The following RAP1GAP2 variants were observed in gnomAD, a reference collection of about 807,000 sequenced individuals.
The protein encoded by RAP1GAP2 is RAP1 GTPase activating protein 2.
RAP1GAP2 carries 27 observed loss-of-function variants against 95.0 expected under a neutral mutation model. The observed-to-expected ratio is 0.28, with a 90% confidence interval of 0.21 to 0.39. RAP1GAP2 has a LOEUF of 0.39. Among genes scored for constraint, RAP1GAP2 ranks in the 10% least tolerant of loss-of-function variants. The pLI, the probability that RAP1GAP2 is intolerant of heterozygous loss-of-function variation, is 1.00. For synonymous variants in RAP1GAP2, 373 were observed against 380.9 expected, an observed-to-expected ratio of 0.98 and a Z score of 0.24; for missense variants, 771 against 970.0, an observed-to-expected ratio of 0.79 and a Z score of 2.72.
At position 3,004,707 on chromosome 17, in the gene RAP1GAP2, G is replaced by A. The variant is rs1348337767; in HGVS notation, c.1201-662G>A. 3.3e-5 allele frequency among the ~76,000 whole-genome samples: 5 copies of A among 152,264 alleles called. 1 individual carries two copies. ...GGCCTAGGACTGGCTGACCCCGTGT[G>A]TGGGGCCAGGGCTCCCGAACACGGG... On this transcript the variant is annotated intron_variant, in intron 14 of 24. Transcript: ENST00000254695. This position sits in a 1 kb window ranked among gnomAD's most constrained non-coding sequence, Gnocchi z 4.1.
At position 2,954,466 on chromosome 17, in the gene RAP1GAP2, G is replaced by A. The variant is rs368509955; in HGVS notation, c.166-3293G>A. On this transcript the variant is annotated intron_variant, in intron 3 of 24. Transcript: ENST00000254695. ...TCTCTTGTGTAGGTGTCTAGGAGTG[G>A]CACTGCTGGGTCATGCGGGTACAGA... Among the ~76,000 whole-genome samples, 88 of 152,244 alleles carry A rather than the reference G, an allele frequency of 5.8e-4. 1 individual carries two copies. The South Asian group carries it at 0.013, about 22-fold the overall frequency.
intron 2 of RAP1GAP2, among the ~76,000 whole-genome samples, chr17:2,858,565 C>G (rs2072242767): frequency 6.6e-6 from 1 of 152,082 alleles, no homozygotes; most frequent in African/African-American, 2.4e-5. Context: ...AAGTAAATCT[C>G]AGGTACTAGA....
chr17:3,031,812 T>C (rs1435247558), intron 23 of RAP1GAP2, among the ~76,000 whole-genome samples: 2 of 146,972 alleles, frequency 1.4e-5, no homozygotes, highest in Non-Finnish European at 1.5e-5. Context: ...GGCTGGTTCC[T>C]GGGTCCCCCA....
intron 1 of RAP1GAP2, among the ~76,000 whole-genome samples, chr17:2,756,133 C>T (rs2071138224): frequency 6.6e-6 from 1 of 152,266 alleles, no homozygotes; most frequent in Middle Eastern, 3.2e-3. Context: ...CCCATTTGTG[C>T]CTCCCTCCGT....
At chr17:2,905,033 C>T (rs2042154252) in intron 2 of RAP1GAP2, among the ~76,000 whole-genome samples, 1 of 152,168 alleles carries the variant, frequency 6.6e-6, no homozygotes, top group African/African-American at 2.4e-5. Flanking sequence ...AGGCGTGCAC[C>T]ACCACGCCCA....
intron 3 of RAP1GAP2, among the ~76,000 whole-genome samples, chr17:2,929,073 A>C (rs996555162): frequency 6.6e-6 from 1 of 152,126 alleles, no homozygotes; most frequent in Non-Finnish European, 1.5e-5. Flanking sequence ...TCCATCTCTA[A>C]AAAACAAAAA....
chr17:2,789,609 A>G (rs1443312469), intron 1 of RAP1GAP2, among the ~76,000 whole-genome samples: 30 of 13,944 alleles, frequency 2.2e-3, no homozygotes, highest in East Asian at 5.0e-3. Flanking sequence ...GTCTCTACTA[A>G]AAAAAAAAAA....
At position 2,820,956 on chromosome 17, in the gene RAP1GAP2, C is replaced by T. The variant is rs925014292; in HGVS notation, c.80+20406C>T. ...TTCATTATGTTGGCCAGGCTGCTCT[C>T]GAACTGCTGACCTGTTGATCTGCCT... On this transcript the variant is annotated intron_variant, in intron 2 of 24. Transcript: ENST00000254695. Among the ~76,000 whole-genome samples, 19 of 146,482 alleles carry T rather than the reference C, an allele frequency of 1.3e-4. No homozygotes were observed. In the East Asian group the frequency reaches 3.3e-3, roughly 25 times the overall value.
intron 12 of RAP1GAP2, 124 bp from the exon 13 acceptor site, chr17:2,995,213 C>T: frequency 1.6e-6 from 2 of 1,219,014 alleles, no homozygotes; most frequent in Admixed American, 3.8e-5. Flanking sequence ...CCTGCTCTGC[C>T]CTCAGCTCTC....
intron 2 of RAP1GAP2, among the ~76,000 whole-genome samples, chr17:2,812,702 G>C (rs1232098557): frequency 6.6e-6 from 1 of 152,030 alleles, no homozygotes; most frequent in South Asian, 2.1e-4. Flanking sequence ...TAAAAATTCT[G>C]ATGCCGGCTG....
chr17:2,998,099 G>A (rs945277949), intron 13 of RAP1GAP2, 122 bp from the exon 14 acceptor site: 61 of 1,139,046 alleles, frequency 5.4e-5, no homozygotes, highest in Non-Finnish European at 6.1e-5. Context: ...CAACAACCAC[G>A]AACTCTTCTC....
At chr17:2,893,591 G>A (rs1567750695) in intron 2 of RAP1GAP2, among the ~76,000 whole-genome samples, 3 of 152,220 alleles carry the variant, frequency 2.0e-5, no homozygotes, top group Admixed American at 6.5e-5. Context: ...GGGCGTTTAC[G>A]GGCTGGGAAA....
chr17:2,896,372 G>C (rs2041825696), intron 2 of RAP1GAP2, among the ~76,000 whole-genome samples: 1 of 152,190 alleles, frequency 6.6e-6, no homozygotes, highest in Non-Finnish European at 1.5e-5. Flanking sequence ...GCTCCCTGCT[G>C]TGGTACTTGG....
intron 2 of RAP1GAP2, among the ~76,000 whole-genome samples, chr17:2,869,123 C>T (rs1361719170): frequency 1.3e-5 from 2 of 152,150 alleles, no homozygotes; most frequent in Non-Finnish European, 2.9e-5. Flanking sequence ...CTCCCAAAGG[C>T]CCCTCTTCCT....
At chr17:2,881,275 G>GA (rs2073280077) in intron 2 of RAP1GAP2, among the ~76,000 whole-genome samples, 1 of 146,610 alleles carries the variant, frequency 6.8e-6, no homozygotes, top group Non-Finnish European at 1.5e-5. Context: ...AAAAAAAAAA[G>GA]AAAAAATGTG....
intron 2 of RAP1GAP2, among the ~76,000 whole-genome samples, chr17:2,814,282 T>C (rs1032784934): frequency 6.6e-6 from 1 of 152,170 alleles, no homozygotes; most frequent in African/African-American, 2.4e-5. Flanking sequence ...TTTCTCACAA[T>C]CGTGCCTCCT....
At chr17:2,889,890 T>TATATATATATATATATATATA (rs1491260344) in intron 2 of RAP1GAP2, among the ~76,000 whole-genome samples, 1 of 29,624 alleles carries the variant, frequency 3.4e-5, no homozygotes, top group African/African-American at 1.5e-4. Context: ...TATATATATA[T>TATATATATATATATATATATA]TTTTTTTTTT....
chr17:2,972,088 A>G (rs939730612), intron 8 of RAP1GAP2, among the ~76,000 whole-genome samples: 2 of 152,198 alleles, frequency 1.3e-5, no homozygotes, highest in East Asian at 3.8e-4. Context: ...TTTATTTGAA[A>G]CAGATGCCTT....
At chr17:2,872,155 A>G (rs961670733) in intron 2 of RAP1GAP2, among the ~76,000 whole-genome samples, 3 of 141,750 alleles carry the variant, frequency 2.1e-5, no homozygotes, top group Non-Finnish European at 4.6e-5. Context: ...TGGAGGTTGC[A>G]GTAAGCTGAG....
Sources: gnomAD v4.1 joint callset for allele counts (sites outside exome capture counted in the v4.1 genomes callset) on GRCh38, gnomAD v4.1.1 for gene constraint, Gnocchi (gnomAD v3.1) non-coding constraint, MANE v1.5 for transcripts, NCBI Gene and HGNC (gene_info 2026-07-23, HGNC 2026-07-21) for gene names.